PKP4: variants seen among roughly 807,000 people sequenced by gnomAD.
The protein encoded by PKP4 is plakophilin 4.
A neutral mutation model predicts 145.1 loss-of-function variants in PKP4; 90 were observed. The observed-to-expected ratio is 0.62, with a 90% CI of 0.52 to 0.74. PKP4 has a LOEUF of 0.74. PKP4 is among the 30% of genes least tolerant of loss of function. The pLI, the probability that PKP4 is intolerant of heterozygous loss-of-function variation, is 0.00. For missense variants in PKP4, 1,340 were observed against 1,482.7 expected (o/e 0.90, Z 1.58); for synonymous variants, 563 against 577.2 (o/e 0.98, Z 0.35).
At chr2:158,619,822 A>G (rs1056333391) in intron 4 of PKP4, among the ~76,000 whole-genome samples, 1 of 152,150 alleles carries the variant, frequency 6.6e-6, no homozygotes, top group African/African-American at 2.4e-5. Context: ...AGTGGGGAGA[A>G]ATGGTGATAA....
chr2:158,662,890 G>C lies in PKP4; in HGVS notation c.2212-7G>C. 1 of 1,592,946 alleles carries C rather than the reference G, an allele frequency of 6.3e-7. No individual in the cohort carries two copies. Among genetic ancestry groups the C allele is most frequent in the Non-Finnish European group, 8.5e-7 (1 of 1,170,062 alleles). ...TGTTTTTAATTATACGCCATGCTGGGTTTCAGACGGTGGAGAACTGCGTGT... is the reference window on the plus strand; with the variant it reads ...TGTTTTTAATTATACGCCATGCTGGCTTTCAGACGGTGGAGAACTGCGTGT... On this transcript the variant is annotated splice_region_variant and splice_polypyrimidine_tract_variant and intron_variant, in intron 13 of 21. Coordinates refer to ENST00000389759, the MANE Select transcript of PKP4 (RefSeq NM_003628.6).
At chr2:158,472,684 A>G (rs17492981) in intron 1 of PKP4, among the ~76,000 whole-genome samples, 23,610 of 151,618 alleles carry the variant, frequency 0.16, 2,000 homozygotes, top group Middle Eastern at 0.28. Flanking sequence ...TGTCTTTTCA[A>G]CCAAATTGGG....
intron 2 of PKP4, among the ~76,000 whole-genome samples, chr2:158,542,842 G>T (rs1218182824): frequency 6.6e-6 from 1 of 152,058 alleles, no homozygotes; most frequent in Admixed American, 6.6e-5. Flanking sequence ...GGAAACAAAT[G>T]ACAAATCTAG....
At chr2:158,497,128 A>G (rs936693785) in intron 1 of PKP4, among the ~76,000 whole-genome samples, 1 of 152,206 alleles carries the variant, frequency 6.6e-6, no homozygotes, top group Non-Finnish European at 1.5e-5. Context: ...TCTTTAGGCT[A>G]TCCATTGGAC....
intron 11 of PKP4, among the ~76,000 whole-genome samples, chr2:158,644,693 A>T (rs2054663375): frequency 6.6e-6 from 1 of 152,254 alleles, no homozygotes. Flanking sequence ...CACATGCAAT[A>T]AAGTTAAAAT....
chr2:158,471,638 G>A (rs1691586184), intron 1 of PKP4, among the ~76,000 whole-genome samples: 1 of 152,202 alleles, frequency 6.6e-6, no homozygotes, highest in Admixed American at 6.5e-5. Context: ...GACATAAGCA[G>A]TATCATCCAA....
intron 2 of PKP4, among the ~76,000 whole-genome samples, chr2:158,554,429 A>ATTATTT (rs1553573064): frequency 2.8e-5 from 4 of 141,182 alleles, no homozygotes; most frequent in East Asian, 4.2e-4. Context: ...TATTATTATT[A>ATTATTT]TTTTTTTTTT....
intron 1 of PKP4, among the ~76,000 whole-genome samples, chr2:158,496,429 GGT>G (rs901845798): frequency 5.3e-5 from 8 of 152,082 alleles, no homozygotes; most frequent in South Asian, 2.1e-4. Flanking sequence ...TGAATTTGTT[GGT>G]GCACCCCTCT....
At chr2:158,646,856 G>A (rs550391877) in intron 11 of PKP4, among the ~76,000 whole-genome samples, 1 of 152,238 alleles carries the variant, frequency 6.6e-6, no homozygotes, top group Middle Eastern at 3.4e-3. Context: ...CTCATTACCT[G>A]GTGGGGTTAA....
chr2:158,631,900 A>C lies in PKP4; in HGVS notation c.1301A>C (p.Glu434Ala). Residue 434 changes from glutamate (E) to alanine (A), a missense_variant, in exon 8 of 22, where the codon GAG (glutamate) becomes GCG (alanine). Transcript: ENST00000389759. ...VYRSPNHGTV[E>A]LQGSQTALYR... ...CGCAGCCCAAACCATGGAACTGTGG[A>C]GCTCCAAGGATCGCAGACGGCGTTG... 3 of 1,614,078 alleles carry C rather than the reference A, an allele frequency of 1.9e-6. No individual in the cohort carries two copies. The highest frequency in any genetic ancestry group is 1.7e-6 in the Non-Finnish European group (2 of 1,180,008).
At chr2:158,582,700 A>G (rs1559354427) in intron 3 of PKP4, among the ~76,000 whole-genome samples, 1 of 152,208 alleles carries the variant, frequency 6.6e-6, no homozygotes, top group Non-Finnish European at 1.5e-5. Flanking sequence ...CAGTGTCCTC[A>G]GTGGTCTCTT....
intron 17 of PKP4, 85 bp from the exon 18 acceptor site, chr2:158,673,592 G>T: frequency 1.0e-6 from 1 of 970,668 alleles, no homozygotes. Context: ...ATGGCCTGTT[G>T]GCCACTGATT....
At chr2:158,645,933 G>A (rs759036113) in intron 11 of PKP4, among the ~76,000 whole-genome samples, 2 of 152,168 alleles carry the variant, frequency 1.3e-5, no homozygotes, top group Non-Finnish European at 2.9e-5. Flanking sequence ...GGGCTTTTAT[G>A]TACTAGGTTA....
chr2:158,673,553 T>C (rs1313157817), intron 17 of PKP4, 124 bp from the exon 18 acceptor site: 3 of 728,444 alleles, frequency 4.1e-6, no homozygotes, highest in African/African-American at 1.7e-5. Context: ...TGTCCTGCAG[T>C]AGCCTCCATC....
chr2:158,666,546 G>A lies in PKP4; in HGVS notation c.2711G>A (p.Arg904His), dbSNP rs1400856740. 9 of 1,611,164 alleles carry A rather than the reference G, an allele frequency of 5.6e-6. No individual in the cohort carries two copies. The highest frequency in any genetic ancestry group is 1.7e-5 in the Admixed American group (1 of 59,500). Residue 904 changes from arginine (R) to histidine (H), a missense_variant, in exon 16 of 22, where the codon CGC (arginine) becomes CAC (histidine). Transcript: ENST00000389759. ...TALRNMALDV[R>H]NKELIGKYAM... is the part of the protein sequence containing the mutation. The stretch of plus-strand genomic sequence containing the variant: ...TTGAGGAATATGGCACTAGATGTTC[G>A]CAACAAGGAGCTCATAGGTATGTTC...
chr2:158,596,840 C>T (rs183278593), intron 3 of PKP4, among the ~76,000 whole-genome samples: 5 of 152,258 alleles, frequency 3.3e-5, no homozygotes, highest in South Asian at 2.1e-4. Flanking sequence ...CAACCCCTTA[C>T]GGTTTTTGAG....
intron 1 of PKP4, among the ~76,000 whole-genome samples, chr2:158,473,454 T>C (rs971470030): frequency 1.2e-4 from 18 of 152,288 alleles, no homozygotes; most frequent in Admixed American, 6.5e-5. Flanking sequence ...GTGGTACATA[T>C]ACACCGTGCA....
chr2:158,550,859 C>T (rs2045559203), intron 2 of PKP4, among the ~76,000 whole-genome samples: 1 of 152,186 alleles, frequency 6.6e-6, no homozygotes, highest in East Asian at 1.9e-4. Context: ...TTATAAATGT[C>T]TGGGAAACAA....
chr2:158,615,066 G>A (rs960391890), intron 4 of PKP4, among the ~76,000 whole-genome samples: 5 of 151,256 alleles, frequency 3.3e-5, no homozygotes, highest in Admixed American at 1.3e-4. Context: ...CAAAAGAATC[G>A]TTTCTTTCTT....
Sources: gnomAD v4.1 joint callset for allele counts (sites outside exome capture counted in the v4.1 genomes callset) on GRCh38, gnomAD v4.1.1 for gene constraint, MANE v1.5 for transcripts, NCBI Gene and HGNC (gene_info 2026-07-23, HGNC 2026-07-21) for gene names.